Variants in MCTP2 observed in about 807,000 individuals in gnomAD.
The protein encoded by MCTP2 is multiple C2 and transmembrane domain-containing protein 2.
Under a neutral mutation model 111.6 loss-of-function variants are expected in MCTP2, and 132 were observed. The ratio of observed to expected loss-of-function variants is 1.18; its 90% CI spans 1.03 to 1.37. MCTP2 has a LOEUF of 1.37. MCTP2 is among the 40% of genes most tolerant of loss of function. The pLI, the probability that MCTP2 is intolerant of heterozygous loss-of-function variation, is 0.00. For synonymous variants in MCTP2, 395 were observed against 387.7 expected, an observed-to-expected ratio of 1.02 and a Z score of -0.22; for missense variants, 1,183 against 1,067.9, an observed-to-expected ratio of 1.11 and a Z score of -1.50.
intron 21 of MCTP2, among the ~76,000 whole-genome samples, chr15:94,472,954 G>T (rs2074049852): frequency 6.6e-6 from 1 of 151,996 alleles, no homozygotes; most frequent in African/African-American, 2.4e-5. Flanking sequence ...AGTTTTAGTG[G>T]TTTTTCTAAC....
intron 2 of MCTP2, among the ~76,000 whole-genome samples, chr15:94,300,004 A>G (rs932175717): frequency 1.3e-5 from 2 of 152,208 alleles, no homozygotes; most frequent in Admixed American, 1.3e-4. Context: ...TTTGAAATAC[A>G]TGTTTCTTTT....
chr15:94,370,769 C>T (rs535844889), intron 12 of MCTP2, among the ~76,000 whole-genome samples: 3 of 152,270 alleles, frequency 2.0e-5, no homozygotes, highest in South Asian at 2.1e-4. Context: ...AATCCAGACA[C>T]GCCAGTGTCT....
At chr15:94,245,604 A>G (rs185180934) in intron 1 of MCTP2, among the ~76,000 whole-genome samples, 1 of 145,448 alleles carries the variant, frequency 6.9e-6, no homozygotes, top group East Asian at 2.0e-4. Context: ...GTATATAGAC[A>G]TATACATATG....
chr15:94,473,825 C>T (rs556698850), intron 21 of MCTP2, among the ~76,000 whole-genome samples: 1 of 152,338 alleles, frequency 6.6e-6, no homozygotes, highest in South Asian at 2.1e-4. Flanking sequence ...ACAGTTGGAG[C>T]TACCTGCTGG....
chr15:94,436,423 A>G (rs2083480056), intron 17 of MCTP2, among the ~76,000 whole-genome samples: 1 of 152,230 alleles, frequency 6.6e-6, no homozygotes, highest in African/African-American at 2.4e-5. Flanking sequence ...GATGTTTGTT[A>G]GGAAATCAGT....
chr15:94,370,526 G>A (rs1183528291), intron 12 of MCTP2, among the ~76,000 whole-genome samples: 3 of 152,078 alleles, frequency 2.0e-5, no homozygotes, highest in Admixed American at 6.6e-5. Context: ...TCGACTTCTC[G>A]CCTTTTGCTG....
chr15:94,374,788 C>T (rs1480472078), intron 12 of MCTP2, among the ~76,000 whole-genome samples: 1 of 152,052 alleles, frequency 6.6e-6, no homozygotes, highest in Non-Finnish European at 1.5e-5. Context: ...AATAGGGGAA[C>T]TGGAAACTTA....
At chr15:94,458,114 AAT>A (rs750467153) in intron 19 of MCTP2, 21 bp from the exon 20 acceptor site, 27 of 1,353,772 alleles carry the variant, frequency 2.0e-5, no homozygotes, top group Non-Finnish European at 2.8e-5. Context: ...AACTGAGTTA[AAT>A]CTTGCTTTTA....
chr15:94,361,844 G>A (rs1171504698), intron 10 of MCTP2, among the ~76,000 whole-genome samples: 1 of 152,160 alleles, frequency 6.6e-6, no homozygotes, highest in African/African-American at 2.4e-5. Flanking sequence ...TTTATAACCA[G>A]GTATGATAAG....
intron 20 of MCTP2, among the ~76,000 whole-genome samples, chr15:94,466,978 A>C (rs1056185304): frequency 6.6e-6 from 1 of 152,144 alleles, no homozygotes; most frequent in Non-Finnish European, 1.5e-5. Context: ...CTTTCTTTCC[A>C]TATTTGTGTG....
At chr15:94,466,791 T>TA (rs1192175553) in intron 20 of MCTP2, among the ~76,000 whole-genome samples, 3 of 152,164 alleles carry the variant, frequency 2.0e-5, no homozygotes, top group African/African-American at 7.2e-5. Context: ...ATTATATTTT[T>TA]ATTTTCATGT....
intron 4 of MCTP2, among the ~76,000 whole-genome samples, chr15:94,320,568 G>A (rs1160807185): frequency 6.6e-6 from 1 of 152,108 alleles, no homozygotes; most frequent in Non-Finnish European, 1.5e-5. Context: ...GAGCATTGAG[G>A]CCTGTTATAC....
chr15:94,288,821 A>G (rs568897381), intron 1 of MCTP2, among the ~76,000 whole-genome samples: 50 of 152,332 alleles, frequency 3.3e-4, no homozygotes, highest in African/African-American at 1.1e-3. Context: ...AGTGGCACCA[A>G]TGGAAACCAG....
intron 7 of MCTP2, chr15:94,343,986 C>T (rs531776324): frequency 6.6e-6 from 1 of 152,044 alleles, no homozygotes; most frequent in Admixed American, 6.5e-5. Context: ...GCCTAAATAG[C>T]CCTGTGTACC....
chr15:94,347,432 A>G (rs1006665785), intron 8 of MCTP2, among the ~76,000 whole-genome samples: 3 of 152,200 alleles, frequency 2.0e-5, no homozygotes, highest in Admixed American at 6.5e-5. Context: ...TCTTTTTCTT[A>G]TAATAACTTT....
Position 94,345,025 on chromosome 15 carries a change from A to G in MCTP2, c.970-104A>G, listed in dbSNP as rs947852734. ...CAGAACTTGGATATTAATTATCTGA[A>G]TGTAACCTGGACCATCTAACATAAT... On this transcript the variant is annotated intron_variant, in intron 7 of 22. Coordinates refer to ENST00000357742, the MANE Select transcript of MCTP2 (RefSeq NM_001385001.1). The G allele has an allele frequency of 2.3e-6, 3 of 1,309,908 alleles. No homozygotes were observed. In the African/African-American group the frequency reaches 4.5e-5, roughly 20 times the overall value. 81.1% of individuals were successfully genotyped at this position (1,309,908 alleles called of 1,614,324 possible).
intron 20 of MCTP2, among the ~76,000 whole-genome samples, chr15:94,466,097 ACTT>A (rs1166518656): frequency 2.0e-5 from 3 of 152,184 alleles, no homozygotes; most frequent in East Asian, 3.9e-4. Flanking sequence ...TCAAAATTCT[ACTT>A]CATCAATTTT....
At chr15:94,244,345 C>T (rs745905709) in intron 1 of MCTP2, among the ~76,000 whole-genome samples, 3 of 147,776 alleles carry the variant, frequency 2.0e-5, no homozygotes, top group African/African-American at 5.0e-5. Flanking sequence ...TACACGTATA[C>T]GTATACACAT....
chr15:94,326,271 C>T (rs545668689), intron 4 of MCTP2, among the ~76,000 whole-genome samples: 19 of 152,256 alleles, frequency 1.2e-4, no homozygotes, highest in Non-Finnish European at 4.4e-5. Context: ...GGGCACCATA[C>T]TTTGTTCAGT....
Sources: allele counts gnomAD v4.1 joint callset (sites outside exome capture counted in the v4.1 genomes callset), GRCh38; gene constraint gnomAD v4.1.1; transcripts MANE v1.5; gene names NCBI Gene and HGNC (gene_info 2026-07-23, HGNC 2026-07-21).